FAM135B: variants seen among roughly 807,000 people sequenced by gnomAD.
FAM135B encodes protein FAM135B.
In FAM135B, 43 loss-of-function variants were observed where a neutral mutation model predicts 127.7. The ratio of observed to expected loss-of-function variants is 0.34; its 90% confidence interval spans 0.26 to 0.43. FAM135B has a LOEUF of 0.43. FAM135B is among the 20% of genes least tolerant of loss of function. The pLI is 1.00. For missense variants in FAM135B, 1,558 were observed against 1,725.6 expected (o/e 0.90, Z 1.72); for synonymous variants, 670 against 665.1 (o/e 1.01, Z -0.11).
chr8:138,253,685 G>C (rs1821871119), intron 5 of FAM135B, among the ~76,000 whole-genome samples: 1 of 152,158 alleles, frequency 6.6e-6, no homozygotes, highest in Non-Finnish European at 1.5e-5. Flanking sequence ...CATGTCTCCA[G>C]GGGTCAGAAT....
chr8:138,193,371 G>C (rs1367386671), intron 9 of FAM135B, among the ~76,000 whole-genome samples: 1 of 152,190 alleles, frequency 6.6e-6, no homozygotes, highest in Non-Finnish European at 1.5e-5. Context: ...CTAGGGAAGA[G>C]AGACTCCTGG....
At chr8:138,205,692 T>C (rs1416203363) in intron 7 of FAM135B, among the ~76,000 whole-genome samples, 1 of 152,162 alleles carries the variant, frequency 6.6e-6, no homozygotes, top group Non-Finnish European at 1.5e-5. Context: ...CTGCAAATAT[T>C]TCTCACCAAA....
intron 7 of FAM135B, among the ~76,000 whole-genome samples, chr8:138,212,636 C>T (rs1425123626): frequency 6.6e-6 from 1 of 152,166 alleles, no homozygotes; most frequent in East Asian, 1.9e-4. Context: ...GTGGAGAATA[C>T]TTAACAATCC....
At chr8:138,270,380 C>T (rs1823285370) in intron 3 of FAM135B, among the ~76,000 whole-genome samples, 1 of 152,152 alleles carries the variant, frequency 6.6e-6, no homozygotes, top group Non-Finnish European at 1.5e-5. Flanking sequence ...AGCTGGGGCC[C>T]AGAATGACAA....
intron 1 of FAM135B, among the ~76,000 whole-genome samples, chr8:138,376,603 C>T (rs1831490125): frequency 6.6e-6 from 1 of 152,178 alleles, no homozygotes; most frequent in Non-Finnish European, 1.5e-5. Flanking sequence ...CTTTATCCTC[C>T]CTCCCATGCC....
chr8:138,216,341 T>C (rs1477855008), intron 7 of FAM135B, among the ~76,000 whole-genome samples: 2 of 152,176 alleles, frequency 1.3e-5, no homozygotes, highest in African/African-American at 4.8e-5. Flanking sequence ...TTAATAACAT[T>C]CACACTCATG....
At chr8:138,435,893 T>C (rs1835427363) in intron 1 of FAM135B, among the ~76,000 whole-genome samples, 1 of 152,176 alleles carries the variant, frequency 6.6e-6, no homozygotes, top group Non-Finnish European at 1.5e-5. Flanking sequence ...ATTCCAATCA[T>C]GATTCAAGAC....
intron 2 of FAM135B, among the ~76,000 whole-genome samples, chr8:138,364,376 C>T (rs530398447): frequency 1.3e-5 from 2 of 152,208 alleles, no homozygotes; most frequent in South Asian, 2.1e-4. Flanking sequence ...CTGATGAGAC[C>T]GTAGAGATGT....
chr8:138,446,962 AAAAC>A (rs1388590963), intron 1 of FAM135B, among the ~76,000 whole-genome samples: 4 of 152,218 alleles, frequency 2.6e-5, no homozygotes, highest in East Asian at 1.9e-4. Flanking sequence ...TTTAAAGAAA[AAAAC>A]AAACAACCCC....
chr8:138,367,860 AACACACACAC>A (rs3084240), intron 2 of FAM135B, 37 bp downstream of exon 2: 20 of 1,240,426 alleles, frequency 1.6e-5, no homozygotes, highest in East Asian at 9.9e-5. Flanking sequence ...AGAAACAAAC[AACACACACAC>A]ACACACACAC....
chr8:138,494,948 G>GGTC (rs1205750677), intron 1 of FAM135B, among the ~76,000 whole-genome samples: 4 of 152,138 alleles, frequency 2.6e-5, no homozygotes, highest in Non-Finnish European at 5.9e-5. Flanking sequence ...TTGTAGGCAA[G>GGTC]GTGGATGGCA....
chr8:138,179,314 G>A (rs776661918), intron 9 of FAM135B, among the ~76,000 whole-genome samples: 6 of 152,180 alleles, frequency 3.9e-5, no homozygotes, highest in African/African-American at 9.7e-5. Flanking sequence ...AATTCTGGAC[G>A]CAGTACTTCA....
Position 138,308,818 on chromosome 8 carries a change from G to A in FAM135B, c.157+2023C>T, listed in dbSNP as rs1383069908. Among the ~76,000 whole-genome samples, 3 of 152,044 alleles carry A rather than the reference G, an allele frequency of 2.0e-5. 1 individual carries two copies. Among genetic ancestry groups the A allele is most frequent in the South Asian group, 4.2e-4 (2 of 4,810 alleles). On this transcript the variant is annotated intron_variant, in intron 3 of 19. Transcript: ENST00000395297. ...AAGCTCCTGTTGTCCACAGTCACAA[G>A]GAAGAAGCAGAGTCCTTGACGGGAG...
intron 12 of FAM135B, among the ~76,000 whole-genome samples, chr8:138,167,039 G>C (rs890371071): frequency 6.6e-6 from 1 of 151,916 alleles, no homozygotes; most frequent in African/African-American, 2.4e-5. Flanking sequence ...CTCTGACCAG[G>C]ATGATGTATA....
chr8:138,163,903 A>G (rs549344991), intron 12 of FAM135B, among the ~76,000 whole-genome samples: 1 of 152,206 alleles, frequency 6.6e-6, no homozygotes, highest in Admixed American at 6.5e-5. Context: ...GTCACAGCTC[A>G]CTGTAGCCTC....
intron 3 of FAM135B, among the ~76,000 whole-genome samples, chr8:138,266,585 G>A (rs7838023): frequency 0.29 from 42,157 of 146,622 alleles, 6,041 homozygotes; most frequent in East Asian, 0.38. Flanking sequence ...AAAAATATAT[G>A]TGTGTGTATA....
chr8:138,150,670 AAAT>A (rs1563687936), intron 13 of FAM135B, among the ~76,000 whole-genome samples: 7 of 151,530 alleles, frequency 4.6e-5, no homozygotes, highest in African/African-American at 1.7e-4. Context: ...CTGTCTCAAT[AAAT>A]AAATAAATAA....
intron 1 of FAM135B, among the ~76,000 whole-genome samples, chr8:138,434,105 A>T (rs1328016233): frequency 6.6e-6 from 1 of 152,218 alleles, no homozygotes; most frequent in Admixed American, 6.5e-5. Context: ...CTTTAGTCAC[A>T]AGGACAAAAT....
chr8:138,463,422 T>C (rs776823243), intron 1 of FAM135B, among the ~76,000 whole-genome samples: 5 of 151,960 alleles, frequency 3.3e-5, no homozygotes, highest in Non-Finnish European at 5.9e-5. Flanking sequence ...GGGGTGGGTG[T>C]TGGGGCCTCC....
Sources: gnomAD v4.1 joint callset for allele counts (sites outside exome capture counted in the v4.1 genomes callset) on GRCh38, gnomAD v4.1.1 for gene constraint, MANE v1.5 for transcripts, NCBI Gene and HGNC (gene_info 2026-07-23, HGNC 2026-07-21) for gene names.